The following ZMAT3 variants were observed in gnomAD, a reference collection of about 807,000 sequenced individuals.
The protein encoded by ZMAT3 is zinc finger matrin-type protein 3.
A neutral mutation model predicts 32.3 loss-of-function variants in ZMAT3; 17 were observed. The observed-to-expected ratio is 0.53, with a 90% confidence interval of 0.36 to 0.79. The LOEUF is 0.79. Among genes scored for constraint, ZMAT3 ranks in the 30% least tolerant of loss-of-function variants. The pLI is 0.00. For synonymous variants in ZMAT3, 120 were observed against 133.1 expected (o/e 0.90, Z 0.68); for missense variants, 329 against 359.7 (o/e 0.91, Z 0.69).
chr3:179,068,622 T>C (rs1721547724), intron 1 of ZMAT3, among the ~76,000 whole-genome samples: 1 of 152,158 alleles, frequency 6.6e-6, no homozygotes, highest in Non-Finnish European at 1.5e-5. Flanking sequence ...TTAAAGCACT[T>C]ATAGAACTAG....
intron 2 of ZMAT3, among the ~76,000 whole-genome samples, chr3:179,052,580 A>G (rs1015079492): frequency 3.3e-5 from 5 of 152,218 alleles, no homozygotes; most frequent in African/African-American, 1.2e-4. Context: ...CATGGAAAAC[A>G]GTGTGGAGAT....
At position 179,020,833 on chromosome 3, in the gene ZMAT3, C is replaced by A. The variant is rs553274143; in HGVS notation, c.*4184G>T. 1 of 152,350 alleles carries A rather than the reference C, an allele frequency of 6.6e-6. No individual in the cohort carries two copies. Among genetic ancestry groups the A allele is most frequent in the South Asian group, 2.1e-4 (1 of 4,830 alleles). 9.4% of individuals were successfully genotyped at this position (152,350 alleles called of 1,614,324 possible). On this transcript the variant is annotated 3_prime_UTR_variant, in exon 6 of 6. Transcript: ENST00000311417. ...AAACTGTTGTTGCTTGCTGTCCCAG[C>A]CAATTCAAGAGTGAAGGAAGATGTA...
At position 179,049,987 on chromosome 3, in the gene ZMAT3, G is replaced by A. The variant is rs564980907; in HGVS notation, c.270+17496C>T. 7.4e-3 allele frequency among the ~76,000 whole-genome samples: 291 copies of A among 39,524 alleles called. 4 individuals are homozygous for A. The Middle Eastern group carries it at 0.088, about 12-fold the overall frequency. The allele number at this position is 39,524 out of a possible 152,430, so 25.9% of individuals were successfully genotyped here. A position where few individuals can be genotyped will look rare whatever the true frequency, so the allele number is the denominator to read the frequency against. ...AGTCTGGGTGACAGAGCAAGACTCC[G>A]TCTCAAAAAAAAAAAAAAAAAAAAA... On this transcript the variant is annotated intron_variant, in intron 2 of 5. Coordinates refer to ENST00000311417, the MANE Select transcript of ZMAT3 (RefSeq NM_022470.4).
intron 2 of ZMAT3, among the ~76,000 whole-genome samples, chr3:179,040,647 TG>T (rs1719869866): frequency 6.6e-6 from 1 of 152,076 alleles, no homozygotes; most frequent in East Asian, 1.9e-4. Flanking sequence ...AGACCATCGA[TG>T]CTATGAAAAA....
intron 2 of ZMAT3, among the ~76,000 whole-genome samples, chr3:179,060,504 C>T (rs745359308): frequency 9.2e-5 from 14 of 151,878 alleles, no homozygotes; most frequent in Non-Finnish European, 1.8e-4. Flanking sequence ...ATTAGCTGGG[C>T]GTGGTGGCAG....
At chr3:179,027,198 C>T (rs1210221858) in intron 5 of ZMAT3, among the ~76,000 whole-genome samples, 2 of 152,116 alleles carry the variant, frequency 1.3e-5, no homozygotes, top group Non-Finnish European at 2.9e-5. Flanking sequence ...TCCTAAAACA[C>T]AGACTATAGT....
At chr3:179,038,478 T>C (rs1369523850) in intron 2 of ZMAT3, among the ~76,000 whole-genome samples, 1 of 152,028 alleles carries the variant, frequency 6.6e-6, no homozygotes, top group Non-Finnish European at 1.5e-5. Context: ...CTGGGAGCAC[T>C]GAGATGGAAG....
chr3:179,051,686 T>G (rs563051508), intron 2 of ZMAT3, among the ~76,000 whole-genome samples: 1 of 152,006 alleles, frequency 6.6e-6, no homozygotes, highest in Non-Finnish European at 1.5e-5. Context: ...AGAAAAAAAT[T>G]TATATGGAAC....
At chr3:179,038,132 A>G (rs1336439226) in intron 2 of ZMAT3, among the ~76,000 whole-genome samples, 1 of 152,192 alleles carries the variant, frequency 6.6e-6, no homozygotes, top group Non-Finnish European at 1.5e-5. Flanking sequence ...CAATGTAGAG[A>G]AAGGGGGAAG....
intron 1 of ZMAT3, among the ~76,000 whole-genome samples, chr3:179,069,556 T>G (rs1721602920): frequency 6.6e-6 from 1 of 152,310 alleles, no homozygotes; most frequent in East Asian, 1.9e-4. Flanking sequence ...AATGGAAATG[T>G]GTACATTATG....
intron 2 of ZMAT3, among the ~76,000 whole-genome samples, chr3:179,042,558 T>C (rs998789292): frequency 6.6e-6 from 1 of 152,224 alleles, no homozygotes; most frequent in East Asian, 1.9e-4. Context: ...AAATTAGGTA[T>C]TGATGGAACG....
At chr3:179,044,998 G>A (rs2108561835) in intron 2 of ZMAT3, among the ~76,000 whole-genome samples, 1 of 151,704 alleles carries the variant, frequency 6.6e-6, no homozygotes, top group East Asian at 1.9e-4. Context: ...CCTGCGCATT[G>A]TGCACATGTA....
At chr3:179,028,319 T>G (rs529536314) in intron 3 of ZMAT3, among the ~76,000 whole-genome samples, 2 of 152,192 alleles carry the variant, frequency 1.3e-5, no homozygotes, top group South Asian at 4.1e-4. Flanking sequence ...TAAAAATAAG[T>G]AGCAAATCCA....
intron 2 of ZMAT3, among the ~76,000 whole-genome samples, chr3:179,063,027 C>A (rs537464786): frequency 2.6e-5 from 4 of 152,112 alleles, no homozygotes; most frequent in African/African-American, 4.8e-5. Context: ...GTACAATGAC[C>A]CCTACTTTAC....
chr3:179,068,554 T>C lies in ZMAT3; in HGVS notation c.-57-745A>G, dbSNP rs536262393. Among the ~76,000 whole-genome samples, 5 of 151,682 alleles carry C rather than the reference T, an allele frequency of 3.3e-5. No individual in the cohort carries two copies. In the East Asian group the frequency reaches 9.7e-4, roughly 29 times the overall value. ...CCAGCTAAAAATCTTAGCAAACATA[T>C]CTTCCAACCAACCAATATCAAAAAG... On this transcript the variant is annotated intron_variant, in intron 1 of 5. Coordinates refer to ENST00000311417, the MANE Select transcript of ZMAT3 (RefSeq NM_022470.4).
chr3:179,045,811 C>T (rs77179559), intron 2 of ZMAT3, among the ~76,000 whole-genome samples: 5,798 of 152,220 alleles, frequency 0.038, 142 homozygotes, highest in Middle Eastern at 0.054. Flanking sequence ...ATCTGAAGGA[C>T]TTCATAATCA....
intron 3 of ZMAT3, among the ~76,000 whole-genome samples, chr3:179,029,944 C>T (rs1419623972): frequency 1.3e-5 from 2 of 152,184 alleles, no homozygotes; most frequent in Admixed American, 6.5e-5. Flanking sequence ...ATGAAACATG[C>T]TCAGCACAGT....
chr3:179,070,330 G>A (rs1721645776), intron 1 of ZMAT3, among the ~76,000 whole-genome samples: 1 of 152,196 alleles, frequency 6.6e-6, no homozygotes, highest in South Asian at 2.1e-4. Flanking sequence ...TCCTACCAGA[G>A]GTGACAGTTA....
chr3:179,048,470 G>A (rs565185423), intron 2 of ZMAT3, among the ~76,000 whole-genome samples: 19 of 152,288 alleles, frequency 1.2e-4, no homozygotes, highest in Admixed American at 6.5e-4. Context: ...TGTCTCAGCC[G>A]AAACCCTACA....
Sources: allele counts gnomAD v4.1 joint callset (sites outside exome capture counted in the v4.1 genomes callset), GRCh38; gene constraint gnomAD v4.1.1; transcripts MANE v1.5; gene names NCBI Gene and HGNC (gene_info 2026-07-23, HGNC 2026-07-21).